NDUFB5: variants seen among roughly 807,000 people sequenced by gnomAD.
The protein encoded by NDUFB5 is NADH dehydrogenase [ubiquinone] 1 beta subcomplex subunit 5, mitochondrial.
In NDUFB5, 19 loss-of-function variants were observed where a neutral mutation model predicts 19.4. The observed-to-expected ratio is 0.98, with a 90% confidence interval of 0.68 to 1.43. The LOEUF is 1.43. Ranked by LOEUF, NDUFB5 falls within the 40% of genes most tolerant of loss-of-function variation. The probability of loss-of-function intolerance (pLI) is 0.00; values close to 1 mark genes in which losing one functional copy is unlikely to be tolerated. For synonymous variants in NDUFB5, 80 were observed against 82.6 expected (o/e 0.97, Z 0.17); for missense variants, 233 against 236.5 (o/e 0.99, Z 0.10).
Position 179,626,951 on chromosome 3 carries a change from A to G in NDUFB5, c.*2911A>G, listed in dbSNP as rs1028316875. ...AGGCCATTCTTGTGTTGCTATAAAG[A>G]AAATCCTGAGTCTGGGTAATTTATA... On this transcript the variant is annotated 3_prime_UTR_variant, in exon 6 of 6. Transcript: ENST00000259037. The G allele has an allele frequency of 1.3e-5, 2 of 152,218 alleles. No homozygotes were observed. The highest frequency in any genetic ancestry group is 2.4e-5 in the African/African-American group (1 of 41,454). The allele number at this position is 152,218 out of a possible 1,614,324, so 9.4% of individuals were successfully genotyped here.
At chr3:179,605,498 C>A (rs1335863275) in intron 1 of NDUFB5, among the ~76,000 whole-genome samples, 1 of 152,172 alleles carries the variant, frequency 6.6e-6, no homozygotes, top group Non-Finnish European at 1.5e-5. Context: ...CAGAGTCTCA[C>A]TCTGTTGCCC....
Position 179,606,149 on chromosome 3 carries a change from C to T in NDUFB5, c.124+1210C>T, listed in dbSNP as rs576581782. Among the ~76,000 whole-genome samples, 21 of 152,196 alleles carry T rather than the reference C, an allele frequency of 1.4e-4. No homozygotes were observed. The South Asian group carries it at 3.9e-3, about 29-fold the overall frequency. On this transcript the variant is annotated intron_variant, in intron 1 of 5. Coordinates refer to ENST00000259037, the MANE Select transcript of NDUFB5 (RefSeq NM_002492.4). ...TTGGAGACAGTGAGTTGCATCATGGCGGTGTGAATAATCATAGCAAAGATC... is the reference window on the plus strand; with the variant it reads ...TTGGAGACAGTGAGTTGCATCATGGTGGTGTGAATAATCATAGCAAAGATC...
chr3:179,621,652 G>A lies in NDUFB5; in HGVS notation c.450-2268G>A, dbSNP rs528106508. 7.3e-5 allele frequency among the ~76,000 whole-genome samples: 11 copies of A among 151,446 alleles called. No homozygotes were observed. In the East Asian group the frequency reaches 1.2e-3, roughly 16 times the overall value. On this transcript the variant is annotated intron_variant, in intron 5 of 5. Coordinates refer to ENST00000259037, the MANE Select transcript of NDUFB5 (RefSeq NM_002492.4). ...TTACAGGCGCCCGCCACCACACCCC[G>A]CAAATTTTTGTATTTTTAGTAGAGA...
chr3:179,623,985 A>AGACAATT lies in NDUFB5; in HGVS notation c.521_527dup (p.Lys176AsnfsTer2). ...GGAGATGGACCCTGGTATTACTATG[A>AGACAATT]GACAATTGACAAGGAACTTATTGAT... On this transcript the variant is annotated frameshift_variant, in exon 6 of 6. Transcript: ENST00000259037. LOFTEE classifies it high-confidence loss of function. 2 of 1,614,040 alleles carry AGACAATT rather than the reference A, an allele frequency of 1.2e-6. No individual in the cohort carries two copies. Among genetic ancestry groups the AGACAATT allele is most frequent in the Non-Finnish European group, 1.7e-6 (2 of 1,179,918 alleles).
chr3:179,623,630 C>T (rs922978758), intron 5 of NDUFB5, among the ~76,000 whole-genome samples: 5 of 152,034 alleles, frequency 3.3e-5, no homozygotes, highest in South Asian at 2.1e-4. Flanking sequence ...GCTGAGACTG[C>T]GCCATAGCAC....
At chr3:179,605,459 G>T (rs1719060805) in intron 1 of NDUFB5, among the ~76,000 whole-genome samples, 1 of 151,966 alleles carries the variant, frequency 6.6e-6, no homozygotes, top group South Asian at 2.1e-4. Context: ...TTTTTGTTTT[G>T]TTTTGTTTTG....
Position 179,626,263 on chromosome 3 carries a change from A to T in NDUFB5, c.*2223A>T, listed in dbSNP as rs975553386. 6 of 150,578 alleles carry T rather than the reference A, an allele frequency of 4.0e-5. No homozygotes were observed. Among genetic ancestry groups the T allele is most frequent in the South Asian group, 2.1e-4 (1 of 4,770 alleles). 9.3% of individuals were successfully genotyped at this position (150,578 alleles called of 1,614,324 possible). ...TATACAGATCTCTGGCCCTTTTTTT[A>T]AATTTTTTTTTTTTTTGAATTGGGG... On this transcript the variant is annotated 3_prime_UTR_variant, in exon 6 of 6. Transcript: ENST00000259037.
intron 5 of NDUFB5, among the ~76,000 whole-genome samples, chr3:179,620,142 G>A (rs1719495138): frequency 6.6e-6 from 1 of 152,088 alleles, no homozygotes; most frequent in African/African-American, 2.4e-5. Flanking sequence ...TTCCCATTCT[G>A]TAGGTTGCCT....
chr3:179,626,871 ATTGT>A lies in NDUFB5; in HGVS notation c.*2835_*2838del, dbSNP rs900052135. On this transcript the variant is annotated 3_prime_UTR_variant, in exon 6 of 6. Coordinates refer to ENST00000259037, the MANE Select transcript of NDUFB5 (RefSeq NM_002492.4). ...CAGGTTATGGGTTTTTTGCTATTGA[ATTGT>A]TTGAGTTCCTTATATATTCTGGTTA... 1.3e-5 allele frequency: 2 copies of A among 152,046 alleles called. No individual in the cohort carries two copies. The highest frequency in any genetic ancestry group is 1.3e-4 in the Admixed American group (2 of 15,250). The allele number at this position is 152,046 out of a possible 1,614,324, so 9.4% of individuals were successfully genotyped here.
intron 1 of NDUFB5, among the ~76,000 whole-genome samples, chr3:179,610,753 A>G (rs1719218388): frequency 6.6e-6 from 1 of 152,210 alleles, no homozygotes; most frequent in African/African-American, 2.4e-5. Flanking sequence ...TTATTTATTA[A>G]ACATCAAAGA....
At position 179,614,952 on chromosome 3, in the gene NDUFB5, G is replaced by A; in HGVS notation, c.125-19G>A. ...CCCATATGAACCTTGTATAAAACAGGGTAATTCAATATTCCCAGCTCCTGT... is the reference window on the plus strand; with the variant it reads ...CCCATATGAACCTTGTATAAAACAGAGTAATTCAATATTCCCAGCTCCTGT... On this transcript the variant is annotated intron_variant, in intron 1 of 5. Transcript: ENST00000259037. 6.5e-7 allele frequency: 1 copy of A among 1,548,760 alleles called. No homozygotes were observed. The highest frequency in any genetic ancestry group is 8.9e-7 in the Non-Finnish European group (1 of 1,124,660).
chr3:179,615,998 T>C lies in NDUFB5; in HGVS notation c.229T>C (p.Leu77=). The change falls in exon 3 of 6, where the codon TTG becomes CTG. Residue 77 remains leucine (L), a synonymous_variant. Transcript: ENST00000259037. ...TTTATCTTAGAGATTCTACATTGCA[T>C]TGACTGGGATTCCAGTAGCAATTTT... The part of the protein sequence containing the change: ...FLKLLRFYIA[L]TGIPVAIFIT... 4.3e-6 allele frequency: 7 copies of C among 1,613,004 alleles called. No individual in the cohort carries two copies. Among genetic ancestry groups the C allele is most frequent in the Non-Finnish European group, 5.9e-6 (7 of 1,179,180 alleles).
At chr3:179,614,904 T>C in intron 1 of NDUFB5, 67 bp from the exon 2 acceptor site, 1 of 1,113,874 alleles carries the variant, frequency 9.0e-7, no homozygotes, top group East Asian at 2.5e-5. Flanking sequence ...TAATCTGATT[T>C]TAACTCAGAA....
chr3:179,615,593 G>C (rs748117924), intron 2 of NDUFB5: 33 of 466,672 alleles, frequency 7.1e-5, no homozygotes, highest in Non-Finnish European at 1.2e-4. Context: ...GAAAATGGGA[G>C]ATTGTCTGGA....
chr3:179,612,974 T>C (rs1328377514), intron 1 of NDUFB5, among the ~76,000 whole-genome samples: 1 of 152,188 alleles, frequency 6.6e-6, no homozygotes, highest in Non-Finnish European at 1.5e-5. Context: ...TAAGACTGAA[T>C]TGGCCTTTGG....
chr3:179,613,843 A>G (rs142480825), intron 1 of NDUFB5, among the ~76,000 whole-genome samples: 170 of 152,332 alleles, frequency 1.1e-3, no homozygotes, highest in African/African-American at 3.7e-3. Flanking sequence ...ACATGTCACA[A>G]TAACGTACAG....
chr3:179,611,666 C>T (rs538686608), intron 1 of NDUFB5, among the ~76,000 whole-genome samples: 81 of 152,204 alleles, frequency 5.3e-4, no homozygotes, highest in African/African-American at 1.9e-3. Context: ...TCCCAAAGTG[C>T]TGGGATTACA....
chr3:179,609,945 A>G (rs187081633), intron 1 of NDUFB5, among the ~76,000 whole-genome samples: 65 of 152,082 alleles, frequency 4.3e-4, no homozygotes, highest in Middle Eastern at 3.4e-3. Context: ...TATTTATTAT[A>G]TTATTATTTT....
intron 5 of NDUFB5, among the ~76,000 whole-genome samples, chr3:179,622,390 T>C (rs1300441071): frequency 1.3e-5 from 2 of 152,074 alleles, no homozygotes; most frequent in Admixed American, 6.6e-5. Flanking sequence ...TCAAGCAACC[T>C]TCCCACCTCA....
Sources: gnomAD v4.1 joint callset for allele counts (sites outside exome capture counted in the v4.1 genomes callset) on GRCh38, gnomAD v4.1.1 for gene constraint, MANE v1.5 for transcripts, NCBI Gene and HGNC (gene_info 2026-07-23, HGNC 2026-07-21) for gene names.